WDR75: variants seen among roughly 807,000 people sequenced by gnomAD.
The protein encoded by WDR75 is WD repeat-containing protein 75.
Under a neutral mutation model 106.1 loss-of-function variants are expected in WDR75, and 52 were observed. The observed-to-expected ratio is 0.49, with a 90% confidence interval of 0.39 to 0.62. WDR75 has a LOEUF of 0.62. Among genes scored for constraint, WDR75 ranks in the 20% least tolerant of loss-of-function variants. The probability of loss-of-function intolerance (pLI) is 0.00; values close to 1 mark genes in which losing one functional copy is unlikely to be tolerated. For missense variants in WDR75, 905 were observed against 970.3 expected, an observed-to-expected ratio of 0.93 and a Z score of 0.89; for synonymous variants, 333 against 335.5, an observed-to-expected ratio of 0.99 and a Z score of 0.08.
intron 9 of WDR75, among the ~76,000 whole-genome samples, chr2:189,463,231 T>C (rs1014029033): frequency 6.6e-6 from 1 of 152,148 alleles, no homozygotes; most frequent in Non-Finnish European, 1.5e-5. Flanking sequence ...CTCTATAGAT[T>C]TTGCATTAAC....
chr2:189,469,453 A>T lies in WDR75; in HGVS notation c.1819+14A>T. 1 of 1,582,310 alleles carries T rather than the reference A, an allele frequency of 6.3e-7. No homozygotes were observed. Among genetic ancestry groups the T allele is most frequent in the East Asian group, 2.2e-5 (1 of 44,680 alleles). On this transcript the variant is annotated intron_variant, in intron 16 of 20. Coordinates refer to ENST00000314761, the MANE Select transcript of WDR75 (RefSeq NM_032168.3). ...TGGGTTCAGACTGTAAGTACAAACC[A>T]CACTTTGTAGTAAGAGAACATCTAT...
intron 15 of WDR75, 89 bp from the exon 16 acceptor site, chr2:189,469,255 A>G: frequency 1.0e-6 from 1 of 971,006 alleles, no homozygotes; most frequent in South Asian, 1.4e-5. Context: ...TGGAAGCATA[A>G]GATTCCTCTT....
chr2:189,474,768 A>C lies in WDR75; in HGVS notation c.2248A>C (p.Met750Leu). Residue 750 changes from methionine (M) to leucine (L), a missense_variant, in exon 20 of 21, where the codon ATG becomes CTG. Coordinates refer to ENST00000314761, the MANE Select transcript of WDR75 (RefSeq NM_032168.3). ...GCCATCTGCTGCTTTCCTGTGCTCC[A>C]TGTTTGTAAATTCATTGCTGCTGTC... Reference protein sequence around the residue: ...VLPSAAFLCSMFVNSLLLSKE... With the variant: ...VLPSAAFLCSLFVNSLLLSKE... 6.2e-7 allele frequency: 1 copy of C among 1,614,046 alleles called. No individual in the cohort carries two copies. Among genetic ancestry groups the C allele is most frequent in the Non-Finnish European group, 8.5e-7 (1 of 1,179,962 alleles).
chr2:189,469,033 A>G (rs1053110302), intron 15 of WDR75, among the ~76,000 whole-genome samples: 3 of 152,140 alleles, frequency 2.0e-5, no homozygotes, highest in Admixed American at 6.6e-5. Context: ...GTGTATGGTA[A>G]CTTTTTTCAG....
intron 5 of WDR75, among the ~76,000 whole-genome samples, chr2:189,456,346 T>C (rs1686736341): frequency 6.6e-6 from 1 of 152,142 alleles, no homozygotes; most frequent in Admixed American, 6.5e-5. Flanking sequence ...AGAGTGATTA[T>C]TCATAGTAGC....
chr2:189,456,239 A>G (rs1686733202), intron 5 of WDR75, among the ~76,000 whole-genome samples: 1 of 152,204 alleles, frequency 6.6e-6, no homozygotes, highest in African/African-American at 2.4e-5. Context: ...TAGAATAGCT[A>G]ATGTTGACAG....
chr2:189,442,597 C>T (rs1686404148), intron 1 of WDR75, among the ~76,000 whole-genome samples: 1 of 151,724 alleles, frequency 6.6e-6, no homozygotes, highest in South Asian at 2.1e-4. Context: ...ATTATAAGCG[C>T]GGGCCACCAC....
At chr2:189,459,000 A>T in intron 7 of WDR75, 128 bp downstream of exon 7, 1 of 1,194,250 alleles carries the variant, frequency 8.4e-7, no homozygotes, top group Non-Finnish European at 1.1e-6. Flanking sequence ...TTCATTTCAT[A>T]CTTACTGTTT....
At chr2:189,463,083 A>G (rs1157495134) in intron 9 of WDR75, among the ~76,000 whole-genome samples, 1 of 152,196 alleles carries the variant, frequency 6.6e-6, no homozygotes, top group Non-Finnish European at 1.5e-5. Flanking sequence ...ATTTCTCCAA[A>G]ACTTTGTTCA....
intron 18 of WDR75, among the ~76,000 whole-genome samples, chr2:189,473,920 C>T (rs1203958469): frequency 6.6e-6 from 1 of 152,102 alleles, no homozygotes; most frequent in African/African-American, 2.4e-5. Context: ...AACCCTTTTG[C>T]TGTCATTTTT....
chr2:189,441,856 T>C (rs1046606672), intron 1 of WDR75, among the ~76,000 whole-genome samples: 1 of 152,168 alleles, frequency 6.6e-6, no homozygotes, highest in Admixed American at 6.5e-5. Flanking sequence ...TTCGGGCGGC[T>C]GGAAAATGGT....
intron 5 of WDR75, among the ~76,000 whole-genome samples, chr2:189,455,987 A>G (rs939522155): frequency 2.0e-5 from 3 of 152,194 alleles, no homozygotes; most frequent in Admixed American, 6.5e-5. Context: ...TTCTTCAGCC[A>G]TTCCCTGTTA....
chr2:189,450,192 G>A (rs564078231), intron 2 of WDR75: 1 of 984,334 alleles, frequency 1.0e-6, no homozygotes, highest in Admixed American at 6.1e-5. Flanking sequence ...ATTGGTCCTT[G>A]ATGGATTGGA....
rs528766591 is a variant in WDR75, at chr2:189,462,508, G to T, written c.803G>T (p.Arg268Leu). The T allele has an allele frequency of 3.7e-6, 6 of 1,613,806 alleles. No homozygotes were observed. The highest frequency in any genetic ancestry group is 5.1e-6 in the Non-Finnish European group (6 of 1,179,818). Residue 268 changes from arginine to leucine, a missense_variant, in exon 9 of 21, where the codon CGT (arginine) becomes CTT (leucine). Coordinates refer to ENST00000314761, the MANE Select transcript of WDR75 (RefSeq NM_032168.3). ...GGCACCAGTCTGCTGAGTGGCGGTCGTGAATCTGTACTTGTAGAGTGGCGC... is the reference window on the plus strand; with the variant it reads ...GGCACCAGTCTGCTGAGTGGCGGTCTTGAATCTGTACTTGTAGAGTGGCGC... Reference protein sequence around the residue: ...VTGTSLLSGGRESVLVEWRDA... With the variant: ...VTGTSLLSGGLESVLVEWRDA...
At chr2:189,442,843 C>CA (rs34964533) in intron 1 of WDR75, among the ~76,000 whole-genome samples, 6 of 148,420 alleles carry the variant, frequency 4.0e-5, no homozygotes, top group East Asian at 2.0e-4. Flanking sequence ...CCTTAGAAGC[C>CA]AAAAAAAAAT....
intron 12 of WDR75, among the ~76,000 whole-genome samples, chr2:189,465,927 C>T (rs1686989352): frequency 2.0e-5 from 3 of 152,060 alleles, no homozygotes; most frequent in African/African-American, 7.2e-5. Flanking sequence ...ACAGCGTTGC[C>T]CTCTAAGCTC....
chr2:189,473,966 T>C (rs1687163511), intron 18 of WDR75, among the ~76,000 whole-genome samples: 1 of 152,198 alleles, frequency 6.6e-6, no homozygotes, highest in Non-Finnish European at 1.5e-5. Flanking sequence ...TAAATGCATG[T>C]ATTATTCTGT....
intron 6 of WDR75, 52 bp downstream of exon 6, chr2:189,457,433 A>G (rs1686764067): frequency 8.3e-7 from 1 of 1,209,938 alleles, no homozygotes; most frequent in Non-Finnish European, 1.2e-6. Context: ...AGTTCTTTAT[A>G]ATTTTATTTC....
chr2:189,449,152 G>C (rs1425364833), intron 2 of WDR75: 2 of 871,742 alleles, frequency 2.3e-6, no homozygotes, highest in Non-Finnish European at 3.3e-6. Flanking sequence ...TGTTAATTCT[G>C]TTCTTAAGTT....
Sources: gnomAD v4.1 joint callset for allele counts (sites outside exome capture counted in the v4.1 genomes callset) on GRCh38, gnomAD v4.1.1 for gene constraint, MANE v1.5 for transcripts, NCBI Gene and HGNC (gene_info 2026-07-23, HGNC 2026-07-21) for gene names.